The following CSTF2 variants were observed in gnomAD, a reference collection of about 807,000 sequenced individuals.
CSTF2 encodes the protein cleavage stimulation factor subunit 2.
In CSTF2, 8 loss-of-function variants were observed where a neutral mutation model predicts 45.4. The observed-to-expected ratio is 0.18, with a 90% CI of 0.10 to 0.32. The LOEUF (loss-of-function observed/expected upper bound fraction) is 0.32. Among genes scored for constraint, CSTF2 ranks in the 10% least tolerant of loss-of-function variants. The pLI is 1.00. For synonymous variants in CSTF2, 155 were observed against 158.9 expected (o/e 0.98, Z 0.18); for missense variants, 253 against 477.1 (o/e 0.53, Z 4.38).
intron 12 of CSTF2, 48 bp downstream of exon 12, chrX:100,837,497 T>C (rs2085016062): frequency 1.1e-6 from 1 of 873,312 alleles, no homozygotes; most frequent in Non-Finnish European, 1.7e-6. Flanking sequence ...TCTAGCCTTT[T>C]TGATTCCTCT....
rs143902040 is a variant in CSTF2, at chrX:100,831,599, C to G, written c.974C>G (p.Ala325Gly). ...VPTPRGLLGD[A>G]PNDPRGGTLL... ...ACCCCTCGAGGCTTGTTAGGAGATG[C>G]TCCGAATGATCCACGGGGAGGCACT... Residue 325 changes from alanine (A) to glycine (G), a missense_variant, in exon 9 of 14, where the codon GCT becomes GGT. Transcript: ENST00000372972. 1 of 1,209,481 alleles carries G rather than the reference C, an allele frequency of 8.3e-7. No individual in the cohort carries two copies. Among genetic ancestry groups the G allele is most frequent in the African/African-American group, 1.7e-5 (1 of 57,173 alleles).
chrX:100,829,821 C>T (rs73636622), intron 8 of CSTF2, among the ~76,000 whole-genome samples: 1 of 111,704 alleles, frequency 9.0e-6, no homozygotes, highest in Non-Finnish European at 1.9e-5. Context: ...TGGGGCCAGC[C>T]CTCAATCCAT....
intron 2 of CSTF2, 48 bp from the exon 3 acceptor site, chrX:100,822,203 C>T: frequency 9.4e-7 from 1 of 1,063,760 alleles, no homozygotes; most frequent in East Asian, 3.1e-5. Flanking sequence ...TAGCAGGAAC[C>T]CTGTATGTGT....
intron 3 of CSTF2, chrX:100,822,841 C>CAAAAAAAA: frequency 1.7e-5 from 1 of 57,830 alleles, no homozygotes; most frequent in Non-Finnish European, 2.9e-5. Flanking sequence ...GACTCTGTCT[C>CAAAAAAAA]AAAAAAAAAA....
intron 8 of CSTF2, chrX:100,830,925 G>T (rs961671117): frequency 1.0e-6 from 1 of 958,125 alleles, no homozygotes; most frequent in African/African-American, 1.9e-5. Flanking sequence ...GGGACGTTGA[G>T]AGGAAAAGAG....
chrX:100,826,725 C>T lies in CSTF2; in HGVS notation c.794C>T (p.Thr265Ile). 2.5e-6 allele frequency: 3 copies of T among 1,210,633 alleles called. No homozygotes were observed. Among genetic ancestry groups the T allele is most frequent in the South Asian group, 3.5e-5 (2 of 56,800 alleles). The part of the protein sequence containing the change: ...PAPGQMPAAV[T>I]GPGPGSLAPG... ...CCAGGGCAAATGCCAGCTGCTGTCA[C>T]AGGACCTGGCCCTGGTTCCTTAGCT... Residue 265 changes from threonine (T) to isoleucine (I), a missense_variant, in exon 7 of 14, where the codon ACA (threonine) becomes ATA (isoleucine). Physicochemically the swap from Thr to Ile is moderately conservative, Grantham distance 89. Transcript: ENST00000372972.
chrX:100,820,408 A>C lies in CSTF2; in HGVS notation c.-9A>C, dbSNP rs752438729. 1.7e-5 allele frequency: 21 copies of C among 1,211,667 alleles called. No individual in the cohort carries two copies. In the South Asian group the frequency reaches 3.3e-4, roughly 19 times the overall value. On this transcript the variant is annotated 5_prime_UTR_variant, in exon 1 of 14. Transcript: ENST00000372972. The stretch of plus-strand genomic sequence containing the variant: ...GCTTTGGCGCACCGGAAGCCGACTC[A>C]ACAGAGCTATGGCGGGTTTGACTGT...
chrX:100,820,421 C>T lies in CSTF2; in HGVS notation c.5C>T (p.Ala2Val). 1 of 1,211,312 alleles carries T rather than the reference C, an allele frequency of 8.3e-7. No homozygotes were observed. The highest frequency in any genetic ancestry group is 1.1e-6 in the Non-Finnish European group (1 of 894,902). ...GGAAGCCGACTCAACAGAGCTATGG[C>T]GGGTTTGACTGTGAGAGACCCAGCG... The part of the protein sequence containing the change: M[A>V]GLTVRDPAVD... Residue 2 changes from alanine (A) to valine (V), a missense_variant, in exon 1 of 14, where the codon GCG (alanine) becomes GTG (valine). This residue lies in a region of CSTF2 where 45 missense variants were observed against 147.5 expected (regional missense o/e 0.31). Coordinates refer to ENST00000372972, the MANE Select transcript of CSTF2 (RefSeq NM_001325.3).
intron 8 of CSTF2, chrX:100,830,880 T>C (rs2084971615): frequency 8.8e-7 from 1 of 1,139,869 alleles, no homozygotes; most frequent in African/African-American, 1.8e-5. Context: ...ACCCATTGTA[T>C]CTGTGGGTTT....
At chrX:100,827,904 C>T in intron 7 of CSTF2, 136 bp from the exon 8 acceptor site, 1 of 419,194 alleles carries the variant, frequency 2.4e-6, no homozygotes, top group East Asian at 4.1e-5. Context: ...TCTCTCATTG[C>T]ATTGTTGAAT....
intron 13 of CSTF2, among the ~76,000 whole-genome samples, 187 bp downstream of exon 13, chrX:100,838,551 G>T (rs773358306): frequency 8.9e-6 from 1 of 111,917 alleles, no homozygotes; most frequent in East Asian, 2.8e-4. Flanking sequence ...TTGTTCAGTT[G>T]TTGAATTGCT....
At position 100,826,662 on chromosome X, in the gene CSTF2, C is replaced by G; in HGVS notation, c.731C>G (p.Pro244Arg). ...LGGMHVNGAP[P>R]LMQASMQGGV... ...GGAATGCATGTCAATGGCGCACCTC[C>G]TCTGATGCAAGCTTCTATGCAGGGT... Residue 244 changes from proline (P) to arginine (R), a missense_variant, in exon 7 of 14, where the codon CCT becomes CGT. Transcript: ENST00000372972. 8.3e-7 allele frequency: 1 copy of G among 1,210,683 alleles called. No individual in the cohort carries two copies. Among genetic ancestry groups the G allele is most frequent in the Non-Finnish European group, 1.1e-6 (1 of 894,879 alleles).
intron 3 of CSTF2, 163 bp downstream of exon 3, chrX:100,822,583 A>G (rs2084924551): frequency 6.2e-6 from 3 of 482,840 alleles, no homozygotes; most frequent in Non-Finnish European, 1.0e-5. Flanking sequence ...TATTATATAT[A>G]TCTTTTTAAA....
At chrX:100,839,217 C>T (rs886772771) in intron 13 of CSTF2, among the ~76,000 whole-genome samples, 1 of 102,851 alleles carries the variant, frequency 9.7e-6, no homozygotes, top group African/African-American at 3.6e-5. Context: ...CCACTGCACT[C>T]TAGCCTGGGT....
intron 12 of CSTF2, 89 bp from the exon 13 acceptor site, chrX:100,838,150 C>A: frequency 1.1e-6 from 1 of 936,171 alleles, no homozygotes; most frequent in Non-Finnish European, 1.4e-6. Context: ...GCTTTTTGGA[C>A]AGAAGCTGGT....
intron 7 of CSTF2, among the ~76,000 whole-genome samples, 180 bp downstream of exon 7, chrX:100,826,937 A>T (rs1439773051): frequency 8.9e-6 from 1 of 112,033 alleles, no homozygotes; most frequent in African/African-American, 3.2e-5. Context: ...ATGTCTAATT[A>T]TAAGAACAGG....
chrX:100,827,938 T>G, intron 7 of CSTF2, 102 bp from the exon 8 acceptor site: 1 of 585,007 alleles, frequency 1.7e-6, no homozygotes, highest in South Asian at 3.3e-5. Context: ...GGTTTCTGCT[T>G]GTGGAGCAGA....
At position 100,832,836 on chromosome X, in the gene CSTF2, C is replaced by T. The variant is rs762378220; in HGVS notation, c.1134C>T (p.Pro378=). ...PPHELRGGPL[P]EPRPLMAEPR... ...ATGAACTGAGGGGAGGGCCATTACC[C>T]GAGCCCAGACCTCTAATGGCAGAAC... The change falls in exon 10 of 14, where the codon CCC becomes CCT. Residue 378 remains proline (P), a synonymous_variant. Coordinates refer to ENST00000372972, the MANE Select transcript of CSTF2 (RefSeq NM_001325.3). The T allele has an allele frequency of 3.1e-5, 37 of 1,207,696 alleles. No individual in the cohort carries two copies. The highest frequency in any genetic ancestry group is 5.3e-5 in the South Asian group (3 of 56,194).
chrX:100,833,607 C>G, intron 11 of CSTF2, 135 bp downstream of exon 11: 1 of 601,660 alleles, frequency 1.7e-6, no homozygotes, highest in Non-Finnish European at 2.6e-6. Flanking sequence ...TTGGATCTCC[C>G]TGTAGCTTCT....
Sources: gnomAD v4.1 joint callset for allele counts (sites outside exome capture counted in the v4.1 genomes callset) on GRCh38, gnomAD v4.1.1 for gene constraint, gnomAD v4.1.1 regional missense constraint, MANE v1.5 for transcripts, NCBI Gene and HGNC (gene_info 2026-07-23, HGNC 2026-07-21) for gene names.